ASPSCR1: variants seen among roughly 807,000 people sequenced by gnomAD.
ASPSCR1 encodes the protein tether containing UBX domain for GLUT4.
In ASPSCR1, 55 loss-of-function variants were observed where a neutral mutation model predicts 68.9. The ratio of observed to expected loss-of-function variants is 0.80; its 90% confidence interval spans 0.64 to 1.00. ASPSCR1 has a LOEUF of 1.00. Ranked by LOEUF, ASPSCR1 falls within the 50% of genes least tolerant of loss-of-function variation. The pLI, the probability that ASPSCR1 is intolerant of heterozygous loss-of-function variation, is 0.00. For synonymous variants in ASPSCR1, 352 were observed against 332.6 expected, an observed-to-expected ratio of 1.06 and a Z score of -0.63; for missense variants, 765 against 762.2, an observed-to-expected ratio of 1.00 and a Z score of -0.04.
At chr17:82,012,430 G>T in intron 12 of ASPSCR1, 147 bp downstream of exon 12, 1 of 937,094 alleles carries the variant, frequency 1.1e-6, no homozygotes, top group Non-Finnish European at 1.6e-6. Context: ...GTTCCGAGGG[G>T]GCCGTGCGCC....
chr17:82,015,440 C>G, intron 12 of ASPSCR1: 2 of 1,473,200 alleles, frequency 1.4e-6, no homozygotes, highest in Non-Finnish European at 1.8e-6. Context: ...AAGCCTACTT[C>G]CCTCTCCTGG....
intron 9 of ASPSCR1, among the ~76,000 whole-genome samples, chr17:82,010,421 C>G (rs560434476): frequency 1.3e-5 from 2 of 149,062 alleles, no homozygotes; most frequent in Non-Finnish European, 3.0e-5. Context: ...CCCAGCTGCT[C>G]GGGAGGCTGA....
At chr17:82,014,749 G>T in intron 12 of ASPSCR1, 1 of 416,844 alleles carries the variant, frequency 2.4e-6, no homozygotes, top group South Asian at 2.7e-5. Flanking sequence ...CTGCCCCGTG[G>T]GGGTTGACGT....
At position 82,011,563 on chromosome 17, in the gene ASPSCR1, G is replaced by A. The variant is rs1005121420; in HGVS notation, c.1258G>A (p.Val420Met). The A allele has an allele frequency of 7.6e-6, 12 of 1,579,594 alleles. No individual in the cohort carries two copies. The highest frequency in any genetic ancestry group is 1.0e-5 in the Non-Finnish European group (12 of 1,169,496). The change falls in exon 11 of 16, where the codon GTG becomes ATG. Residue 420 changes from valine to methionine, a missense_variant. Coordinates refer to ENST00000306739, the MANE Select transcript of ASPSCR1 (RefSeq NM_024083.4). The stretch of plus-strand genomic sequence containing the variant: ...TGCAGTGGGGGACTTGCGAGACTTC[G>A]TGAGGAGCCACCTGGGGAACCCCGA... ...SETVGDLRDFVRSHLGNPELS... is the reference protein window; with the variant it reads ...SETVGDLRDFMRSHLGNPELS...
At chr17:82,002,464 AG>A (rs2042569704) in intron 7 of ASPSCR1, among the ~76,000 whole-genome samples, 1 of 152,046 alleles carries the variant, frequency 6.6e-6, no homozygotes, top group Non-Finnish European at 1.5e-5. Flanking sequence ...CATGTTGGTC[AG>A]GCTGGTCTCG....
chr17:82,012,469 G>A (rs2042983990), intron 12 of ASPSCR1, among the ~76,000 whole-genome samples, 186 bp downstream of exon 12: 5 of 152,254 alleles, frequency 3.3e-5, no homozygotes, highest in South Asian at 4.1e-4. Flanking sequence ...ACGGCTTTCC[G>A]GCCTCCTCTG....
At chr17:81,978,915 C>T (rs750104672) in intron 1 of ASPSCR1, 21 of 545,124 alleles carry the variant, frequency 3.9e-5, no homozygotes, top group Non-Finnish European at 6.3e-5. Flanking sequence ...CAGGAAGATG[C>T]CCGTGTTGCT....
At chr17:82,013,376 C>G (rs1388037625) in intron 12 of ASPSCR1, 2 of 152,294 alleles carry the variant, frequency 1.3e-5, no homozygotes, top group African/African-American at 2.4e-5. Context: ...GGTGCTGCTG[C>G]CCTGTTTCTG....
At chr17:82,015,427 G>T in intron 12 of ASPSCR1, 1 of 1,503,962 alleles carries the variant, frequency 6.6e-7, no homozygotes, top group Non-Finnish European at 8.9e-7. Context: ...AGGCCTGGCT[G>T]CCAAGCCTAC....
rs527270564 is a variant in ASPSCR1, at chr17:81,995,696, T to A, written c.433-296T>A. 3.3e-3 allele frequency: 1,865 copies of A among 560,908 alleles called. 8 individuals carry two copies. The highest frequency in any genetic ancestry group is 0.013 in the Middle Eastern group (27 of 2,060). The allele number at this position is 560,908 out of a possible 1,614,324, so 34.7% of individuals were successfully genotyped here. ...GGGTCCTGGCACCAGGGCTTCCTCC[T>A]TGCAGCCCAGCTCTGCCAGCCCAGG... On this transcript the variant is annotated intron_variant, in intron 5 of 15. Transcript: ENST00000306739.
chr17:81,994,547 C>T (rs2042273608), intron 4 of ASPSCR1, among the ~76,000 whole-genome samples: 2 of 152,184 alleles, frequency 1.3e-5, no homozygotes, highest in Non-Finnish European at 2.9e-5. Context: ...TGCCAGCGGC[C>T]CCGAGACTGG....
chr17:81,977,661 A>G lies in ASPSCR1; in HGVS notation c.15A>G (p.Ala5=). 7.2e-7 allele frequency: 1 copy of G among 1,395,786 alleles called. No individual in the cohort carries two copies. 86.5% of individuals were successfully genotyped at this position (1,395,786 alleles called of 1,614,324 possible). The change falls in exon 1 of 16, where the codon GCA becomes GCG. Residue 5 remains alanine, a synonymous_variant. Transcript: ENST00000306739. The surrounding 1 kb of genome is among the most constrained non-coding windows in gnomAD (Gnocchi z 5.0). ...GTGAGCGGAAAATGGCGGCCCCGGC[A>G]GGCGGCGGAGGCTCCGCGGTGTCGG... MAAP[A]GGGGSAVSVL... is the part of the protein sequence containing the mutation.
chr17:81,979,866 G>C (rs1321303371), intron 2 of ASPSCR1, among the ~76,000 whole-genome samples: 3 of 152,208 alleles, frequency 2.0e-5, no homozygotes, highest in African/African-American at 7.2e-5. Flanking sequence ...GCTTCTGCCA[G>C]ACTCTCAAGG....
In ASPSCR1 at chr17:81,996,085, G is replaced by A; in HGVS notation, c.506+20G>A. The A allele has an allele frequency of 6.3e-7, 1 of 1,582,424 alleles. No homozygotes were observed. The highest frequency in any genetic ancestry group is 8.6e-7 in the Non-Finnish European group (1 of 1,168,094). On this transcript the variant is annotated intron_variant, in intron 6 of 15. Coordinates refer to ENST00000306739, the MANE Select transcript of ASPSCR1 (RefSeq NM_024083.4). ...CATCAGGTAAGGGCAGTGCTGCTGG[G>A]GCCGAGGAGTCTATTTAGCTAAAAA...
intron 7 of ASPSCR1, among the ~76,000 whole-genome samples, chr17:81,998,449 T>C (rs1053010529): frequency 6.6e-6 from 1 of 152,190 alleles, no homozygotes; most frequent in African/African-American, 2.4e-5. Context: ...TCTGGTGCTT[T>C]TGGATCGTGG....
rs557234594 is a variant in ASPSCR1, at chr17:82,009,245, G to A, written c.1088+54G>A. The A allele has an allele frequency of 7.5e-5, 114 of 1,527,064 alleles. No individual in the cohort carries two copies. The African/African-American group carries it at 8.4e-4, about 11-fold the overall frequency. 94.6% of individuals were successfully genotyped at this position (1,527,064 alleles called of 1,614,324 possible). A position where few individuals can be genotyped will look rare whatever the true frequency, so the allele number is the denominator to read the frequency against. On this transcript the variant is annotated intron_variant, in intron 8 of 15. Coordinates refer to ENST00000306739, the MANE Select transcript of ASPSCR1 (RefSeq NM_024083.4). ...TCTTCGCGCCAGGGTTTGCCCCATC[G>A]GGTGCTTGTGCTGCCCGCTGTCCCC... is the stretch of plus-strand genomic sequence containing the variant.
intron 4 of ASPSCR1, among the ~76,000 whole-genome samples, chr17:81,992,138 TGGCTTCGGA>T (rs1187774365): frequency 6.6e-6 from 1 of 152,256 alleles, no homozygotes; most frequent in Non-Finnish European, 1.5e-5. Context: ...CTTGCATTTC[TGGCTTCGGA>T]GCATGGTGTC....
intron 4 of ASPSCR1, among the ~76,000 whole-genome samples, chr17:81,992,289 G>A (rs115487722): frequency 0.05 from 7,547 of 152,168 alleles, 290 homozygotes; most frequent in African/African-American, 0.1. Context: ...AATTTCCCCC[G>A]GGCCCTGGCG....
In ASPSCR1 at chr17:81,985,501, C is replaced by T. The variant is rs371903775; in HGVS notation, c.274-6C>T. On this transcript the variant is annotated splice_polypyrimidine_tract_variant and splice_region_variant and intron_variant, in intron 3 of 15. Coordinates refer to ENST00000306739, the MANE Select transcript of ASPSCR1 (RefSeq NM_024083.4). Reference sequence around the variant, plus strand: ...AAGGAAGTTTCTCATGTCTTATACCCTCCAGGTTCGCATCGCTTTGCAGCT... The same window carrying T: ...AAGGAAGTTTCTCATGTCTTATACCTTCCAGGTTCGCATCGCTTTGCAGCT... 3 of 1,613,654 alleles carry T rather than the reference C, an allele frequency of 1.9e-6. No homozygotes were observed. The highest frequency in any genetic ancestry group is 2.7e-5 in the African/African-American group (2 of 74,924).
Sources: gnomAD v4.1 joint callset for allele counts (sites outside exome capture counted in the v4.1 genomes callset) on GRCh38, gnomAD v4.1.1 for gene constraint, Gnocchi (gnomAD v3.1) non-coding constraint, MANE v1.5 for transcripts, NCBI Gene and HGNC (gene_info 2026-07-23, HGNC 2026-07-21) for gene names.